The following PTGER3 variants were observed in gnomAD, a reference collection of about 807,000 sequenced individuals.
PTGER3 encodes prostaglandin E2 receptor EP3 subtype.
PTGER3 carries 22 observed loss-of-function variants against 34.7 expected under a neutral mutation model. The observed-to-expected ratio is 0.63, with a 90% confidence interval of 0.45 to 0.91. The LOEUF (loss-of-function observed/expected upper bound fraction) is 0.91. Ranked by LOEUF, PTGER3 falls within the 40% of genes least tolerant of loss-of-function variation. PTGER3 has a pLI of 0.00. For missense variants in PTGER3, 468 were observed against 519.4 expected, an observed-to-expected ratio of 0.90 and a Z score of 0.96; for synonymous variants, 241 against 230.1, an observed-to-expected ratio of 1.05 and a Z score of -0.43.
chr1:70,961,575 T>C (rs968812622), intron 2 of PTGER3, among the ~76,000 whole-genome samples: 2 of 152,208 alleles, frequency 1.3e-5, no homozygotes, highest in African/African-American at 2.4e-5. Context: ...AATTCTCTGC[T>C]TATCTTTCAC....
At chr1:70,884,289 G>A (rs1001030894) in intron 4 of PTGER3, among the ~76,000 whole-genome samples, 2 of 152,124 alleles carry the variant, frequency 1.3e-5, no homozygotes, top group African/African-American at 2.4e-5. Context: ...TACACATGCT[G>A]TATAATCATC....
At chr1:70,957,716 C>T (rs1401333029) in intron 2 of PTGER3, among the ~76,000 whole-genome samples, 1 of 152,122 alleles carries the variant, frequency 6.6e-6, no homozygotes, top group Non-Finnish European at 1.5e-5. Flanking sequence ...AAAATCTTCT[C>T]TTCTAGCTAT....
At chr1:70,871,319 C>T (rs1646158163) in intron 4 of PTGER3, among the ~76,000 whole-genome samples, 1 of 152,082 alleles carries the variant, frequency 6.6e-6, no homozygotes, top group Non-Finnish European at 1.5e-5. Flanking sequence ...ACTTGCTCAC[C>T]ATCATGAGGA....
chr1:70,923,864 A>G (rs1310403602), intron 4 of PTGER3, among the ~76,000 whole-genome samples: 1 of 152,216 alleles, frequency 6.6e-6, no homozygotes, highest in African/African-American at 2.4e-5. Context: ...CTGCAATAAG[A>G]ATCTGTTTTC....
intron 4 of PTGER3, among the ~76,000 whole-genome samples, chr1:70,921,446 A>C (rs1647514298): frequency 6.6e-6 from 1 of 152,080 alleles, no homozygotes; most frequent in South Asian, 2.1e-4. Flanking sequence ...TTCTCTGTAA[A>C]GTTTTAATTA....
At chr1:70,918,073 T>A (rs1269277566) in intron 4 of PTGER3, among the ~76,000 whole-genome samples, 3 of 151,798 alleles carry the variant, frequency 2.0e-5, no homozygotes, top group Non-Finnish European at 4.4e-5. Flanking sequence ...GAATAGAGAA[T>A]CCCAAAATAA....
At chr1:70,913,579 C>T (rs1289154653) in intron 4 of PTGER3, among the ~76,000 whole-genome samples, 1 of 151,902 alleles carries the variant, frequency 6.6e-6, no homozygotes, top group East Asian at 1.9e-4. Context: ...AGAACACATT[C>T]AGCTTTTTAC....
intron 4 of PTGER3, among the ~76,000 whole-genome samples, chr1:70,879,908 C>A (rs1646353334): frequency 6.6e-6 from 1 of 152,064 alleles, no homozygotes; most frequent in Non-Finnish European, 1.5e-5. Flanking sequence ...TCCTGGCCAA[C>A]ATGGTGGAAC....
chr1:70,879,861 C>T (rs189728236), intron 4 of PTGER3, among the ~76,000 whole-genome samples: 278 of 152,106 alleles, frequency 1.8e-3, no homozygotes, highest in African/African-American at 6.2e-3. Context: ...TTTGGGAGGC[C>T]GAGTGGGTGG....
At chr1:70,987,963 C>T (rs953030926) in intron 2 of PTGER3, among the ~76,000 whole-genome samples, 5 of 152,082 alleles carry the variant, frequency 3.3e-5, no homozygotes, top group African/African-American at 7.2e-5. Context: ...GCTCTCATTA[C>T]GTAGTGTAAA....
intron 4 of PTGER3, among the ~76,000 whole-genome samples, chr1:70,901,824 T>C (rs140455160): frequency 2.6e-5 from 4 of 152,326 alleles, no homozygotes; most frequent in Admixed American, 6.5e-5. Flanking sequence ...TTTTGGATTT[T>C]AAACATAAGA....
intron 4 of PTGER3, among the ~76,000 whole-genome samples, chr1:70,906,588 T>C (rs1047282014): frequency 6.6e-6 from 1 of 152,234 alleles, no homozygotes; most frequent in South Asian, 2.1e-4. Context: ...TTATAATTTG[T>C]ATGTTGTAAA....
intron 2 of PTGER3, among the ~76,000 whole-genome samples, chr1:70,963,473 T>C (rs1377098529): frequency 6.6e-6 from 1 of 152,124 alleles, no homozygotes; most frequent in African/African-American, 2.4e-5. Context: ...TCTGCACACA[T>C]CCTCTGAAAT....
At chr1:70,927,142 C>A (rs1220044501) in intron 4 of PTGER3, among the ~76,000 whole-genome samples, 5 of 152,172 alleles carry the variant, frequency 3.3e-5, no homozygotes, top group Non-Finnish European at 5.9e-5. Context: ...CTAAAATTCT[C>A]TTTTTTGGTT....
chr1:70,910,134 T>C (rs1229113474), intron 4 of PTGER3, among the ~76,000 whole-genome samples: 1 of 152,190 alleles, frequency 6.6e-6, no homozygotes, highest in Non-Finnish European at 1.5e-5. Flanking sequence ...AATGATATCA[T>C]AAGGAACTGA....
chr1:71,007,068 T>C lies in PTGER3; in HGVS notation c.1077+5237A>G, dbSNP rs1031608531. The C allele has an allele frequency of 6.1e-6, 6 of 984,998 alleles. No individual in the cohort carries two copies. In the East Asian group the frequency reaches 5.7e-4, roughly 93 times the overall value. 61.0% of individuals were successfully genotyped at this position (984,998 alleles called of 1,614,324 possible). On this transcript the variant is annotated intron_variant, in intron 2 of 3. Transcript: ENST00000306666. ...TAAATACACTGACGATAACTACCCA[T>C]AAAACTTTACATAGAGGTGATAAAA...
At chr1:70,882,346 C>T (rs2100599085) in intron 4 of PTGER3, among the ~76,000 whole-genome samples, 1 of 152,194 alleles carries the variant, frequency 6.6e-6, no homozygotes, top group East Asian at 1.9e-4. Flanking sequence ...GCATTGTCCA[C>T]CTGGTTATCA....
intron 4 of PTGER3, among the ~76,000 whole-genome samples, chr1:70,853,918 C>G (rs1405116017): frequency 6.6e-6 from 1 of 152,072 alleles, no homozygotes; most frequent in African/African-American, 2.4e-5. Flanking sequence ...ACTGGATATC[C>G]ACATGCAAAA....
At chr1:71,012,261 C>T (rs1200529479) in intron 2 of PTGER3, 44 bp downstream of exon 2, 5 of 1,614,044 alleles carry the variant, frequency 3.1e-6, no homozygotes, top group South Asian at 1.1e-5. Context: ...GATAGGCTGC[C>T]CTTTCTGTCC....
Sources: gnomAD v4.1 joint callset for allele counts (sites outside exome capture counted in the v4.1 genomes callset) on GRCh38, gnomAD v4.1.1 for gene constraint, MANE v1.5 for transcripts, NCBI Gene and HGNC (gene_info 2026-07-23, HGNC 2026-07-21) for gene names.